The following NHSL3 variants were observed in gnomAD, a reference collection of about 807,000 sequenced individuals.
The protein encoded by NHSL3 is NHS like 3, also known as NHS-like protein 3.
chr1:32,772,018 C>G, the NHSL3 span: 1 of 1,603,900 alleles, frequency 6.2e-7, no homozygotes, highest in Non-Finnish European at 8.5e-7. Flanking sequence ...CAGTGAAGGC[C>G]TCTCAAGTGC....
chr1:32,750,664 T>C, the NHSL3 span, among the ~76,000 whole-genome samples: 123 of 152,040 alleles, frequency 8.1e-4, no homozygotes, highest in South Asian at 7.3e-3. Context: ...CCTGCCACCA[T>C]GCCCAGCAAA....
At chr1:32,770,719 G>A in the NHSL3 span, 1 of 1,550,512 alleles carries the variant, frequency 6.4e-7, no homozygotes, top group East Asian at 2.3e-5. The surrounding 1 kb of genome is among the most constrained non-coding windows in gnomAD (Gnocchi z 8.3). Flanking sequence ...GGGCTTAGCA[G>A]TGCCTGATGG....
At chr1:32,742,511 C>T in the NHSL3 span, among the ~76,000 whole-genome samples, 3 of 152,252 alleles carry the variant, frequency 2.0e-5, no homozygotes, top group Admixed American at 6.5e-5. Context: ...AGGTTCTGCC[C>T]TCTGCTGAGT....
chr1:32,769,712 G>T, the NHSL3 span: 3 of 1,613,828 alleles, frequency 1.9e-6, no homozygotes, highest in Admixed American at 5.0e-5. Context: ...CCCAAATCTG[G>T]AAAGTCAGGG....
chr1:32,773,201 G>C, the NHSL3 span: 3 of 488,128 alleles, frequency 6.1e-6, no homozygotes, highest in African/African-American at 1.9e-5. Flanking sequence ...TGAGGCTGCA[G>C]AGTTGGGAGC....
At chr1:32,774,465 G>T in the NHSL3 span, 1 of 152,264 alleles carries the variant, frequency 6.6e-6, no homozygotes, top group South Asian at 2.1e-4. Context: ...TGCCCACTGA[G>T]TTGGGGAAAG....
chr1:32,752,429 G>T, the NHSL3 span, among the ~76,000 whole-genome samples: 1 of 152,134 alleles, frequency 6.6e-6, no homozygotes. Flanking sequence ...TGCTCTCTCT[G>T]CTCTACCATG....
the NHSL3 span, among the ~76,000 whole-genome samples, chr1:32,766,947 T>C: frequency 1.3e-5 from 2 of 152,086 alleles, no homozygotes; most frequent in Admixed American, 1.3e-4. Flanking sequence ...CCTGGGACTA[T>C]TTCCCCAAGA....
the NHSL3 span, chr1:32,773,103 T>C: frequency 1.7e-6 from 1 of 592,070 alleles, no homozygotes; most frequent in Non-Finnish European, 3.0e-6. Flanking sequence ...TGGGTTCACC[T>C]CTGGCAGTTG....
chr1:32,772,045 C>T, the NHSL3 span: 1 of 1,608,514 alleles, frequency 6.2e-7, no homozygotes, highest in Non-Finnish European at 8.5e-7. Context: ...CAACGGACCG[C>T]CTGAGGCAGA....
the NHSL3 span, among the ~76,000 whole-genome samples, chr1:32,748,034 C>T: frequency 6.6e-6 from 1 of 152,178 alleles, no homozygotes; most frequent in Non-Finnish European, 1.5e-5. Context: ...AGCTTGAACC[C>T]AGGAGGCAGA....
chr1:32,746,219 A>G, the NHSL3 span, among the ~76,000 whole-genome samples: 1 of 128,070 alleles, frequency 7.8e-6, no homozygotes, highest in Non-Finnish European at 1.6e-5. Context: ...CGACAGAGCG[A>G]GACTCCAGCT....
At chr1:32,774,221 G>C in the NHSL3 span, 2 of 152,666 alleles carry the variant, frequency 1.3e-5, no homozygotes, top group South Asian at 4.1e-4. Context: ...ACTTGGGCTT[G>C]AGTCTGGCAA....
the NHSL3 span, chr1:32,770,303 G>A: frequency 1.2e-6 from 2 of 1,612,388 alleles, no homozygotes; most frequent in Admixed American, 1.7e-5. The surrounding 1 kb of genome is among the most constrained non-coding windows in gnomAD (Gnocchi z 8.3). Context: ...TGCAGCCTGC[G>A]CACACTAAGC....
the NHSL3 span, chr1:32,773,723 G>C: frequency 7.5e-4 from 115 of 152,810 alleles, no homozygotes; most frequent in African/African-American, 2.7e-3. Flanking sequence ...GGGGTGGGTG[G>C]GCCCCCAGCA....
chr1:32,770,049 C>T, the NHSL3 span: 54 of 1,575,258 alleles, frequency 3.4e-5, no homozygotes, highest in South Asian at 6.0e-4. The surrounding 1 kb of genome is among the most constrained non-coding windows in gnomAD (Gnocchi z 8.3). Context: ...AGACAGAGGC[C>T]ATGCTGCAGC....
the NHSL3 span, chr1:32,771,636 C>G: frequency 8.6e-4 from 1,387 of 1,612,994 alleles, 16 homozygotes; most frequent in Admixed American, 0.022. Flanking sequence ...CTGCTTCGTC[C>G]TCCTCAGCTA....
the NHSL3 span, among the ~76,000 whole-genome samples, chr1:32,756,137 T>C: frequency 1.3e-5 from 2 of 152,082 alleles, no homozygotes; most frequent in Admixed American, 1.3e-4. Context: ...TAGAAAGCAA[T>C]GTCAAGACAA....
At chr1:32,771,018 A>G in the NHSL3 span, 2 of 1,526,940 alleles carry the variant, frequency 1.3e-6, no homozygotes, top group East Asian at 2.7e-5. Flanking sequence ...CCCCTAAACC[A>G]GAGCGTGTCA....
Sources: allele counts gnomAD v4.1 joint callset (sites outside exome capture counted in the v4.1 genomes callset), GRCh38; gene constraint gnomAD v4.1.1; non-coding constraint Gnocchi (gnomAD v3.1); transcripts MANE v1.5; gene names NCBI Gene and HGNC (gene_info 2026-07-23, HGNC 2026-07-21).